MED27: variants seen among roughly 807,000 people sequenced by gnomAD.
MED27 encodes the protein mediator of RNA polymerase II transcription subunit 27.
A neutral mutation model predicts 38.2 loss-of-function variants in MED27; 30 were observed. That is an observed-to-expected ratio of 0.79 (90% CI 0.59 to 1.07). The LOEUF is 1.07. Among genes scored for constraint, MED27 ranks in the 50% least tolerant of loss-of-function variants. The pLI, the probability that MED27 is intolerant of heterozygous loss-of-function variation, is 0.00. For missense variants in MED27, 289 were observed against 397.5 expected, an observed-to-expected ratio of 0.73 and a Z score of 2.32; for synonymous variants, 122 against 153.5, an observed-to-expected ratio of 0.79 and a Z score of 1.52.
intron 2 of MED27, among the ~76,000 whole-genome samples, chr9:132,056,292 A>T (rs1833575079): frequency 6.6e-6 from 1 of 152,208 alleles, no homozygotes; most frequent in East Asian, 1.9e-4. Flanking sequence ...TCTAAATCTT[A>T]GCGGAGTTCT....
At chr9:132,075,647 A>G (rs186263077) in intron 2 of MED27, among the ~76,000 whole-genome samples, 2 of 152,322 alleles carry the variant, frequency 1.3e-5, no homozygotes, top group East Asian at 1.9e-4. Context: ...CATCACTTCA[A>G]TGTAAGACTA....
At chr9:131,896,389 C>A (rs1256927056) in intron 4 of MED27, among the ~76,000 whole-genome samples, 1 of 152,100 alleles carries the variant, frequency 6.6e-6, no homozygotes, top group Non-Finnish European at 1.5e-5. Flanking sequence ...CAAAACCTGG[C>A]TGATATTAAT....
At chr9:131,953,283 A>G (rs1327833442) in intron 3 of MED27, among the ~76,000 whole-genome samples, 4 of 152,064 alleles carry the variant, frequency 2.6e-5, no homozygotes, top group Admixed American at 2.0e-4. Context: ...GTGCCCTGGC[A>G]CCTCCAAACT....
intron 2 of MED27, among the ~76,000 whole-genome samples, chr9:132,023,472 G>A (rs1342165983): frequency 6.6e-6 from 1 of 152,198 alleles, no homozygotes; most frequent in East Asian, 1.9e-4. Context: ...AGTCCATTTA[G>A]ATTTAGCTGG....
At chr9:131,965,672 G>A (rs1224969841) in intron 3 of MED27, among the ~76,000 whole-genome samples, 4 of 152,226 alleles carry the variant, frequency 2.6e-5, no homozygotes, top group Non-Finnish European at 5.9e-5. Flanking sequence ...ATGAAAGTCT[G>A]GCTTTGCCTC....
chr9:132,072,946 G>C (rs968374655), intron 2 of MED27, among the ~76,000 whole-genome samples: 7 of 152,040 alleles, frequency 4.6e-5, no homozygotes, highest in Non-Finnish European at 8.8e-5. Context: ...TGGTGGAATT[G>C]ACTCTCCTCT....
At chr9:131,890,730 G>A (rs537646750) in intron 5 of MED27, among the ~76,000 whole-genome samples, 1 of 152,244 alleles carries the variant, frequency 6.6e-6, no homozygotes, top group South Asian at 2.1e-4. Context: ...GGAGCTCCTG[G>A]TAGATGCAGG....
chr9:131,950,026 C>G, intron 3 of MED27, among the ~76,000 whole-genome samples: 1 of 152,034 alleles, frequency 6.6e-6, no homozygotes, highest in South Asian at 2.1e-4. Context: ...CAAATTTACT[C>G]AGGTATCTTG....
chr9:132,043,681 A>G (rs1261238081), intron 2 of MED27, among the ~76,000 whole-genome samples: 1 of 152,224 alleles, frequency 6.6e-6, no homozygotes, highest in African/African-American at 2.4e-5. Flanking sequence ...CTGATTTAAT[A>G]AGGAATTCCT....
intron 3 of MED27, among the ~76,000 whole-genome samples, chr9:132,007,683 T>C (rs1832387545): frequency 6.6e-6 from 1 of 151,942 alleles, no homozygotes; most frequent in African/African-American, 2.4e-5. Context: ...AGGGTAAGCA[T>C]GTTTTGTCTA....
intron 6 of MED27, among the ~76,000 whole-genome samples, chr9:131,866,916 G>A (rs1838745861): frequency 6.6e-6 from 1 of 152,078 alleles, no homozygotes; most frequent in Non-Finnish European, 1.5e-5. Flanking sequence ...CTCCTCAAAT[G>A]CCCATCTCTG....
chr9:131,929,934 G>A (rs1206332413), intron 4 of MED27, among the ~76,000 whole-genome samples: 2 of 152,214 alleles, frequency 1.3e-5, no homozygotes, highest in Non-Finnish European at 2.9e-5. Context: ...GCAAGACCCA[G>A]TGCTGCGCTG....
chr9:131,903,786 AG>A (rs1829998069), intron 4 of MED27, among the ~76,000 whole-genome samples: 2 of 152,032 alleles, frequency 1.3e-5, no homozygotes, highest in South Asian at 2.1e-4. Context: ...GGAGTGCAGT[AG>A]CATGATCTCA....
chr9:132,010,802 T>C (rs1286956062), intron 3 of MED27, among the ~76,000 whole-genome samples: 2 of 151,968 alleles, frequency 1.3e-5, no homozygotes, highest in Non-Finnish European at 2.9e-5. Flanking sequence ...AAACACCACA[T>C]GTTGTCACTC....
chr9:131,906,268 T>C (rs1014881404), intron 4 of MED27, among the ~76,000 whole-genome samples: 1 of 152,142 alleles, frequency 6.6e-6, no homozygotes, highest in African/African-American at 2.4e-5. Flanking sequence ...TGTGGGCAGA[T>C]AATAAACAAA....
At chr9:131,925,076 C>T (rs1174018539) in intron 4 of MED27, among the ~76,000 whole-genome samples, 1 of 152,154 alleles carries the variant, frequency 6.6e-6, no homozygotes, top group Non-Finnish European at 1.5e-5. Context: ...TATCTCTAGG[C>T]CTTGCCAAAT....
chr9:131,904,889 A>C (rs139642889), intron 4 of MED27, among the ~76,000 whole-genome samples: 238 of 152,336 alleles, frequency 1.6e-3, no homozygotes, highest in African/African-American at 5.4e-3. Context: ...AAGGGTTATG[A>C]AATAGTTTTC....
Position 131,872,370 on chromosome 9 carries a change from T to C in MED27, c.724-9230A>G, listed in dbSNP as rs1184716023. On this transcript the variant is annotated intron_variant, in intron 6 of 7. Coordinates refer to ENST00000292035, the MANE Select transcript of MED27 (RefSeq NM_004269.4). This position sits in a 1 kb window ranked among gnomAD's most constrained non-coding sequence, Gnocchi z 5.6. The stretch of plus-strand genomic sequence containing the variant: ...AAGCTAGAAGAGCGGGCGCCTCTAC[T>C]ATTCGGAGTATTTCCTCACAAGATT... Among the ~76,000 whole-genome samples, 1 of 152,248 alleles carries C rather than the reference T, an allele frequency of 6.6e-6. No homozygotes were observed. Among genetic ancestry groups the C allele is most frequent in the Non-Finnish European group, 1.5e-5 (1 of 68,046 alleles).
At chr9:131,953,817 T>C (rs569360834) in intron 3 of MED27, among the ~76,000 whole-genome samples, 25 of 133,188 alleles carry the variant, frequency 1.9e-4, no homozygotes, top group African/African-American at 6.2e-4. Context: ...CACTTTTATA[T>C]CTTTTTTTTT....
Sources: gnomAD v4.1 joint callset for allele counts (sites outside exome capture counted in the v4.1 genomes callset) on GRCh38, gnomAD v4.1.1 for gene constraint, Gnocchi (gnomAD v3.1) non-coding constraint, MANE v1.5 for transcripts, NCBI Gene and HGNC (gene_info 2026-07-23, HGNC 2026-07-21) for gene names.